Variants in CYP4F8 observed in about 807,000 individuals in gnomAD.
The protein encoded by CYP4F8 is cytochrome P450 family 4 subfamily F member 8, also known as cytochrome P450 4F8.
Under a neutral mutation model 55.0 loss-of-function variants are expected in CYP4F8, and 56 were observed. The ratio of observed to expected loss-of-function variants is 1.02; its 90% CI spans 0.82 to 1.27. The LOEUF (loss-of-function observed/expected upper bound fraction) is 1.27. Ranked by LOEUF, CYP4F8 falls within the 50% of genes most tolerant of loss-of-function variation. The probability of loss-of-function intolerance (pLI) is 0.00; values close to 1 mark genes in which losing one functional copy is unlikely to be tolerated. For missense variants in CYP4F8, 680 were observed against 682.4 expected (o/e 1.00, Z 0.04); for synonymous variants, 288 against 267.3 (o/e 1.08, Z -0.76).
rs755576706 is a variant in CYP4F8 at position 15,628,760 on chromosome 19, G to C, written c.1315-1G>C. 1.2e-6 allele frequency: 2 copies of C among 1,613,402 alleles called. No homozygotes were observed. The highest frequency in any genetic ancestry group is 1.7e-6 in the Non-Finnish European group (2 of 1,179,832). ...GCAGCCTTAACTTGCCTCCACCCCA[G>C]GTCTATGACCCCTTCCGCTTCGACC... On this transcript the variant is annotated splice_acceptor_variant, in intron 11 of 12. Transcript: ENST00000612078. LOFTEE classifies it high-confidence loss of function.
rs749365559 is a variant in CYP4F8 at position 15,629,362 on chromosome 19, C to T, written c.*4C>T. 5.0e-6 allele frequency: 8 copies of T among 1,597,680 alleles called. No individual in the cohort carries two copies. In the Admixed American group the frequency reaches 1.2e-4, roughly 24 times the overall value. ...GCGAGTAGAACCCCTGGGCTGAGGC[C>T]TGCAGTGACCCACCCACCTACCTTT... On this transcript the variant is annotated 3_prime_UTR_variant, in exon 13 of 13. Transcript: ENST00000612078.
At chr19:15,619,819 C>A in intron 5 of CYP4F8, 57 bp downstream of exon 5, 1 of 1,592,590 alleles carries the variant, frequency 6.3e-7, no homozygotes, top group Non-Finnish European at 8.6e-7. Context: ...GGATCACATA[C>A]AATTGGGTCT....
rs1355035055 is a variant in CYP4F8, at chr19:15,629,848, C to G, written c.*490C>G. 6.6e-6 allele frequency: 1 copy of G among 151,584 alleles called. No individual in the cohort carries two copies. The highest frequency in any genetic ancestry group is 6.6e-5 in the Admixed American group (1 of 15,150). 9.4% of individuals were successfully genotyped at this position (151,584 alleles called of 1,614,324 possible). A position where few individuals can be genotyped will look rare whatever the true frequency, so the allele number is the denominator to read the frequency against. On this transcript the variant is annotated 3_prime_UTR_variant, in exon 13 of 13. Coordinates refer to ENST00000612078, the MANE Select transcript of CYP4F8 (RefSeq NM_007253.4). Reference sequence around the variant, plus strand: ...AGAGAAAGCTGCTACAGTCTGTCTGCTCAGTCCTCCCCTCTTCCTTCCTGC... The same window carrying G: ...AGAGAAAGCTGCTACAGTCTGTCTGGTCAGTCCTCCCCTCTTCCTTCCTGC...
At chr19:15,620,828 A>G (rs1972184186) in intron 5 of CYP4F8, among the ~76,000 whole-genome samples, 1 of 152,202 alleles carries the variant, frequency 6.6e-6, no homozygotes, top group Non-Finnish European at 1.5e-5. Flanking sequence ...CACATTGCAA[A>G]AGATGTGGAT....
chr19:15,617,962 G>A (rs1335730309), intron 2 of CYP4F8, 38 bp from the exon 3 acceptor site: 2 of 1,605,434 alleles, frequency 1.2e-6, no homozygotes, highest in East Asian at 2.2e-5. Context: ...ACCCAGTCAA[G>A]TGGACACAGG....
intron 2 of CYP4F8, among the ~76,000 whole-genome samples, chr19:15,617,327 G>T (rs1360973781): frequency 6.6e-6 from 1 of 152,188 alleles, no homozygotes. Flanking sequence ...GAGCAGGAGG[G>T]AGTGGAGATT....
At chr19:15,615,454 T>A in intron 1 of CYP4F8, 162 bp from the exon 2 acceptor site, 1 of 747,668 alleles carries the variant, frequency 1.3e-6, no homozygotes, top group Non-Finnish European at 2.0e-6. Context: ...GATCTCTAAT[T>A]TTGTGTCACT....
chr19:15,629,435 A>T lies in CYP4F8; in HGVS notation c.*77A>T. The T allele has an allele frequency of 1.4e-6, 2 of 1,475,578 alleles. No individual in the cohort carries two copies. The highest frequency in any genetic ancestry group is 1.8e-6 in the Non-Finnish European group (2 of 1,110,522). 91.4% of individuals were successfully genotyped at this position (1,475,578 alleles called of 1,614,324 possible). On this transcript the variant is annotated 3_prime_UTR_variant, in exon 13 of 13. Coordinates refer to ENST00000612078, the MANE Select transcript of CYP4F8 (RefSeq NM_007253.4). ...CTACCTTTTCAGATTTCCGGTAATA[A>T]ATCTGTGTTGGCCCCTGTGCCTCAG...
intron 3 of CYP4F8, 193 bp downstream of exon 3, chr19:15,618,337 C>T (rs1467697672): frequency 1.1e-6 from 1 of 916,042 alleles, no homozygotes; most frequent in Non-Finnish European, 1.7e-6. Flanking sequence ...CTGCCATCTT[C>T]CCCACCTCCG....
At position 15,628,571 on chromosome 19, in the gene CYP4F8, C is replaced by G; in HGVS notation, c.1290C>G (p.Asn430Lys). Residue 430 changes from asparagine (N) to lysine (K), a missense_variant, in exon 11 of 13, where the codon AAC becomes AAG. Transcript: ENST00000612078. Reference protein sequence around the residue: ...CNINIFAIHHNPSVWPDPEVY... With the variant: ...CNINIFAIHHKPSVWPDPEVY... ...TCAACATCTTCGCAATCCATCACAACCCCTCAGTCTGGCCAGACCCTGAGG... is the reference window on the plus strand; with the variant it reads ...TCAACATCTTCGCAATCCATCACAAGCCCTCAGTCTGGCCAGACCCTGAGG... 6.2e-7 allele frequency: 1 copy of G among 1,613,946 alleles called. No individual in the cohort carries two copies. The highest frequency in any genetic ancestry group is 8.5e-7 in the Non-Finnish European group (1 of 1,179,856).
In CYP4F8 at chr19:15,615,778, C is replaced by G. The variant is rs11673150; in HGVS notation, c.162C>G (p.Pro54=). The change falls in exon 2 of 13, where the codon CCC becomes CCG. Residue 54 remains proline (P), a synonymous_variant. Transcript: ENST00000612078. ...GCCGCCTCCGGTGTTTCCCGCAGCC[C>G]CGGAAACAGAACTGGTTCTTGGGTC... ...NGRRLRCFPQ[P]RKQNWFLGHL... is the part of the protein sequence containing the mutation. 8 of 1,613,542 alleles carry G rather than the reference C, an allele frequency of 5.0e-6. No individual in the cohort carries two copies. The highest frequency in any genetic ancestry group is 6.8e-6 in the Non-Finnish European group (8 of 1,179,760).
intron 5 of CYP4F8, among the ~76,000 whole-genome samples, chr19:15,620,310 CCTCT>C (rs1298559178): frequency 3.9e-5 from 6 of 152,142 alleles, no homozygotes; most frequent in African/African-American, 1.4e-4. Flanking sequence ...TGATTCTCTG[CCTCT>C]AGATGACACC....
chr19:15,617,526 C>CTATCTATG (rs931254592), intron 2 of CYP4F8, among the ~76,000 whole-genome samples: 1 of 151,886 alleles, frequency 6.6e-6, no homozygotes, highest in African/African-American at 2.4e-5. Flanking sequence ...ATCTATCTAT[C>CTATCTATG]TATCTATCAG....
chr19:15,620,484 C>T (rs1331730033), intron 5 of CYP4F8, among the ~76,000 whole-genome samples: 6 of 152,154 alleles, frequency 3.9e-5, no homozygotes, highest in Admixed American at 1.3e-4. Context: ...CTGCAACCCC[C>T]GCCTCAAGCA....
At chr19:15,619,413 G>T in intron 3 of CYP4F8, 77 bp from the exon 4 acceptor site, 3 of 1,565,516 alleles carry the variant, frequency 1.9e-6, no homozygotes, top group Non-Finnish European at 1.7e-6. Context: ...CAAACCTCTG[G>T]CTGGGAGCCA....
rs1042540096 is a variant in CYP4F8 at position 15,630,299 on chromosome 19, T to A, written c.*941T>A. 1.1e-4 allele frequency: 16 copies of A among 152,364 alleles called. No individual in the cohort carries two copies. Among genetic ancestry groups the A allele is most frequent in the African/African-American group, 3.6e-4 (15 of 41,574 alleles). 9.4% of individuals were successfully genotyped at this position (152,364 alleles called of 1,614,324 possible). ...GAGCATAGTATCTAATAGGCAGTTT[T>A]TCAGCTTTTCCCCCTCCCTGCTTCC... On this transcript the variant is annotated 3_prime_UTR_variant, in exon 13 of 13. Coordinates refer to ENST00000612078, the MANE Select transcript of CYP4F8 (RefSeq NM_007253.4).
chr19:15,621,220 A>C (rs1365321361), intron 5 of CYP4F8, among the ~76,000 whole-genome samples: 2 of 152,310 alleles, frequency 1.3e-5, no homozygotes, highest in Non-Finnish European at 2.9e-5. Flanking sequence ...CTCTGCAAAC[A>C]CAATGCTGAG....
rs1328241204 is a variant in CYP4F8 at position 15,623,336 on chromosome 19, C to G, written c.879C>G (p.Ser293=). Residue 293 remains serine, a synonymous_variant, in exon 7 of 13, where the codon TCC becomes TCG. Coordinates refer to ENST00000612078, the MANE Select transcript of CYP4F8 (RefSeq NM_007253.4). ...ACTTCCTCCAAGCCAAGGCCAAGTC[C>G]AAGACTTTGGACTTTATTGATGTGC... ...VDDFLQAKAK[S]KTLDFIDVLL... 1.9e-6 allele frequency: 3 copies of G among 1,613,874 alleles called. No individual in the cohort carries two copies. Among genetic ancestry groups the G allele is most frequent in the Non-Finnish European group, 2.5e-6 (3 of 1,180,014 alleles).
intron 5 of CYP4F8, 92 bp from the exon 6 acceptor site, chr19:15,622,127 G>A: frequency 6.8e-7 from 1 of 1,476,890 alleles, no homozygotes; most frequent in East Asian, 2.4e-5. Flanking sequence ...CCAGGAGCAT[G>A]CCTCTGGGGG....
Sources: gnomAD v4.1 joint callset for allele counts (sites outside exome capture counted in the v4.1 genomes callset) on GRCh38, gnomAD v4.1.1 for gene constraint, MANE v1.5 for transcripts, NCBI Gene and HGNC (gene_info 2026-07-23, HGNC 2026-07-21) for gene names.